ADGRG4: variants seen among roughly 807,000 people sequenced by gnomAD.
ADGRG4 encodes the protein G protein-coupled receptor 112.
Under a neutral mutation model 126.2 loss-of-function variants are expected in ADGRG4, and 122 were observed. The ratio of observed to expected loss-of-function variants is 0.97; its 90% CI spans 0.83 to 1.12. The LOEUF is 1.12. Ranked by LOEUF, ADGRG4 falls within the 50% of genes most tolerant of loss-of-function variation. ADGRG4 has a pLI of 0.00. For missense variants in ADGRG4, 2,481 were observed against 2,251.8 expected (o/e 1.10, Z -2.06); for synonymous variants, 943 against 838.7 (o/e 1.12, Z -2.15).
intron 15 of ADGRG4, among the ~76,000 whole-genome samples, chrX:136,381,715 T>C (rs939178171): frequency 9.0e-6 from 1 of 110,697 alleles, no homozygotes. Flanking sequence ...CACACACACA[T>C]ATATATGAGA....
chrX:136,365,268 A>T (rs759049471), intron 13 of ADGRG4, among the ~76,000 whole-genome samples: 24 of 111,398 alleles, frequency 2.2e-4, no homozygotes, highest in Admixed American at 3.8e-4. Flanking sequence ...CCCTGTACCC[A>T]TTAGCAGTCT....
chrX:136,367,410 T>A (rs763403561), intron 13 of ADGRG4, among the ~76,000 whole-genome samples: 3 of 112,612 alleles, frequency 2.7e-5, no homozygotes, highest in African/African-American at 9.7e-5. Context: ...AGGGTTTGTG[T>A]TTCACACTGA....
intron 23 of ADGRG4, among the ~76,000 whole-genome samples, chrX:136,406,749 A>G (rs1368532118): frequency 9.0e-6 from 1 of 110,754 alleles, no homozygotes; most frequent in Non-Finnish European, 1.9e-5. Flanking sequence ...CCCCGTCTCT[A>G]CTAAAAAATA....
Position 136,301,290 on chromosome X carries a change from G to C in ADGRG4, c.-254+290G>C, listed in dbSNP as rs369095621. Reference sequence around the variant, plus strand: ...TAATGATCGCCATTCTAACTGGTGTGAGATGGTATCTCATTGTGGTTTTGA... The same window carrying C: ...TAATGATCGCCATTCTAACTGGTGTCAGATGGTATCTCATTGTGGTTTTGA... On this transcript the variant is annotated intron_variant, in intron 1 of 25. Coordinates refer to ENST00000394143, the MANE Select transcript of ADGRG4 (RefSeq NM_153834.4). Among the ~76,000 whole-genome samples the C allele has an allele frequency of 5.5e-3, 622 of 112,261 alleles. 2 individuals carry two copies. The highest frequency in any genetic ancestry group is 0.018 in the African/African-American group (559 of 30,901).
chrX:136,371,398 G>C lies in ADGRG4; in HGVS notation c.7467G>C (p.Glu2489Asp). ...AATCCCCAGCCCTGGGTAAAGAAGA[G>C]ACAAAGATTATTGTTTCTAAAATAT... ...INESPALGKE[E>D]TKIIVSKISD... Residue 2489 changes from glutamate (E) to aspartate (D), a missense_variant, in exon 14 of 26, where the codon GAG (glutamate) becomes GAC (aspartate). Glu to Asp is a conservative substitution (Grantham distance 45). Transcript: ENST00000394143. 1 of 1,194,693 alleles carries C rather than the reference G, an allele frequency of 8.4e-7. No individual in the cohort carries two copies. The highest frequency in any genetic ancestry group is 1.1e-6 in the Non-Finnish European group (1 of 882,322).
rs763607051 is a variant in ADGRG4 at position 136,349,336 on chromosome X, C to T, written c.5630C>T (p.Pro1877Leu). 27 of 1,207,958 alleles carry T rather than the reference C, an allele frequency of 2.2e-5. No homozygotes were observed. The South Asian group carries it at 4.1e-4, about 18-fold the overall frequency. ...AGAATGACATCTAGTAATACCCAAC[C>T]TCTGCTTATGACTTCCTGGAACATA... Reference protein sequence around the residue: ...GTRMTSSNTQPLLMTSWNIPT... With the variant: ...GTRMTSSNTQLLLMTSWNIPT... Residue 1877 changes from proline to leucine, a missense_variant, in exon 6 of 26, where the codon CCT becomes CTT. Coordinates refer to ENST00000394143, the MANE Select transcript of ADGRG4 (RefSeq NM_153834.4).
chrX:136,404,504 TA>T (rs1290377622), intron 22 of ADGRG4, among the ~76,000 whole-genome samples: 1 of 111,700 alleles, frequency 9.0e-6, no homozygotes, highest in Non-Finnish European at 1.9e-5. Flanking sequence ...TACAACAGGG[TA>T]GAGGATGAAA....
rs761028829 is a variant in ADGRG4, at chrX:136,344,970, T to C, written c.1264T>C (p.Ser422Pro). 2.1e-5 allele frequency: 26 copies of C among 1,209,495 alleles called. No homozygotes were observed. Among genetic ancestry groups the C allele is most frequent in the Non-Finnish European group, 2.8e-5 (25 of 894,758 alleles). The change falls in exon 6 of 26, where the codon TCC becomes CCC. Residue 422 changes from serine (S) to proline (P), a missense_variant. Ser to Pro is a moderately conservative substitution (Grantham distance 74). Coordinates refer to ENST00000394143, the MANE Select transcript of ADGRG4 (RefSeq NM_153834.4). ...TACAACACCTTGTCTCAAACAAAAA[T>C]CCACAAATACTGGGGCACTCCCTAT... ...MSTTPCLKQK[S>P]TNTGALPIST...
At chrX:136,373,143 A>G in intron 15 of ADGRG4, 79 bp downstream of exon 15, 1 of 907,234 alleles carries the variant, frequency 1.1e-6, no homozygotes, top group South Asian at 2.6e-5. Context: ...CTTGGGAGAG[A>G]GAGGGCACTC....
At chrX:136,328,861 C>T (rs2074890933) in intron 5 of ADGRG4, among the ~76,000 whole-genome samples, 1 of 111,312 alleles carries the variant, frequency 9.0e-6, no homozygotes, top group African/African-American at 3.3e-5. Context: ...GTGCTACCCT[C>T]CTTCCTCATC....
intron 13 of ADGRG4, among the ~76,000 whole-genome samples, chrX:136,365,761 C>G (rs1286624878): frequency 3.6e-5 from 4 of 112,295 alleles, no homozygotes; most frequent in African/African-American, 1.3e-4. Flanking sequence ...TAGATTATGG[C>G]TGGTAGTAAT....
At chrX:136,331,705 C>T (rs576747979) in intron 5 of ADGRG4, among the ~76,000 whole-genome samples, 39 of 111,545 alleles carry the variant, frequency 3.5e-4, no homozygotes, top group African/African-American at 1.2e-3. Flanking sequence ...GCTTATGTGC[C>T]GTCTTCCTGT....
intron 5 of ADGRG4, among the ~76,000 whole-genome samples, chrX:136,325,162 A>AT (rs1477697254): frequency 3.5e-4 from 39 of 111,900 alleles, no homozygotes; most frequent in African/African-American, 1.2e-3. Flanking sequence ...TTGAAGGAGT[A>AT]TTATTGACTG....
intron 3 of ADGRG4, among the ~76,000 whole-genome samples, chrX:136,308,270 A>AT (rs1020605489): frequency 1.3e-3 from 142 of 108,641 alleles, no homozygotes; most frequent in Admixed American, 3.4e-3. Flanking sequence ...TGCCCAGATA[A>AT]TTTTTTTTTT....
At chrX:136,335,921 GT>G (rs991429209) in intron 5 of ADGRG4, among the ~76,000 whole-genome samples, 4 of 108,082 alleles carry the variant, frequency 3.7e-5, no homozygotes, top group African/African-American at 1.3e-4. Flanking sequence ...TTATCTTGGG[GT>G]TTTTTTTAGG....
At chrX:136,390,240 T>C (rs1603299553) in intron 16 of ADGRG4, among the ~76,000 whole-genome samples, 1 of 110,905 alleles carries the variant, frequency 9.0e-6, no homozygotes, top group Non-Finnish European at 1.9e-5. Flanking sequence ...TTTGTAGAGA[T>C]GGGGTCTCAC....
chrX:136,378,021 T>G (rs1051048742), intron 15 of ADGRG4, among the ~76,000 whole-genome samples: 2 of 111,190 alleles, frequency 1.8e-5, no homozygotes, highest in African/African-American at 6.5e-5. Context: ...ATAAAAAACT[T>G]GCTGAGATTA....
At chrX:136,359,237 G>A (rs2075112495) in intron 10 of ADGRG4, 55 bp from the exon 11 acceptor site, 2 of 1,046,355 alleles carry the variant, frequency 1.9e-6, no homozygotes, top group Non-Finnish European at 2.6e-6. Context: ...TGCAGGCCAA[G>A]TTGCACTCCC....
rs771424299 is a variant in ADGRG4, at chrX:136,346,632, A to T, written c.2926A>T (p.Thr976Ser). The change falls in exon 6 of 26, where the codon ACC (threonine) becomes TCC (serine). Residue 976 changes from threonine to serine, a missense_variant. By Grantham distance (58) the Thr-to-Ser change is moderately conservative (BLOSUM62 1). Transcript: ENST00000394143. ...TGCTTCTACCACAAGGATATCAGAA[A>T]CCAGTTTCTCCACTACCCCTACAGA... ...LGASTTRISE[T>S]SFSTTPTDRT... The T allele has an allele frequency of 1.7e-6, 2 of 1,208,440 alleles. No individual in the cohort carries two copies. The highest frequency in any genetic ancestry group is 4.4e-5 in the Admixed American group (2 of 45,805).
Sources: allele counts gnomAD v4.1 joint callset (sites outside exome capture counted in the v4.1 genomes callset), GRCh38; gene constraint gnomAD v4.1.1; transcripts MANE v1.5; gene names NCBI Gene and HGNC (gene_info 2026-07-23, HGNC 2026-07-21).